ZNF516: variants seen among roughly 807,000 people sequenced by gnomAD.
ZNF516 encodes zinc finger protein 516.
Under a neutral mutation model 79.7 loss-of-function variants are expected in ZNF516, and 19 were observed. The ratio of observed to expected loss-of-function variants is 0.24; its 90% CI spans 0.17 to 0.35. The LOEUF is 0.35. ZNF516 is among the 10% of genes least tolerant of loss of function. ZNF516 has a pLI of 1.00. For missense variants in ZNF516, 1,678 were observed against 1,679.5 expected, an observed-to-expected ratio of 1.00 and a Z score of 0.02; for synonymous variants, 877 against 739.5, an observed-to-expected ratio of 1.19 and a Z score of -3.02.
chr18:76,424,102 G>C (rs1823107106), intron 3 of ZNF516, among the ~76,000 whole-genome samples: 1 of 103,398 alleles, frequency 9.7e-6, no homozygotes, highest in Admixed American at 1.0e-4. Flanking sequence ...CAGGTGAAAA[G>C]GCTCCCCCGA....
In ZNF516 at chr18:76,359,982, C is replaced by T. The variant is rs886527473; in HGVS notation, c.*2516G>A. The T allele has an allele frequency of 4.6e-5, 7 of 152,272 alleles. No homozygotes were observed. Among genetic ancestry groups the T allele is most frequent in the Admixed American group, 3.9e-4 (6 of 15,288 alleles). 9.4% of individuals were successfully genotyped at this position (152,272 alleles called of 1,614,324 possible). A position where few individuals can be genotyped will look rare whatever the true frequency, so the allele number is the denominator to read the frequency against. On this transcript the variant is annotated 3_prime_UTR_variant, in exon 7 of 7. Coordinates refer to ENST00000443185, the MANE Select transcript of ZNF516 (RefSeq NM_014643.4). Reference sequence around the variant, plus strand: ...ACATCCAGGCCTGCCCACAGCTGGCCTCAAGGGATGGCGTTCTTGGGGGGG... The same window carrying T: ...ACATCCAGGCCTGCCCACAGCTGGCTTCAAGGGATGGCGTTCTTGGGGGGG...
intron 1 of ZNF516, chr18:76,488,026 C>T (rs1914930915): frequency 1.0e-6 from 1 of 985,286 alleles, no homozygotes; most frequent in Admixed American, 6.1e-5. Flanking sequence ...ATAATCACTG[C>T]TGCACAAACA....
chr18:76,473,627 C>T (rs1568322393), intron 1 of ZNF516, among the ~76,000 whole-genome samples: 2 of 151,958 alleles, frequency 1.3e-5, no homozygotes, highest in South Asian at 2.1e-4. Context: ...CGGTGAAACC[C>T]TGTCTCTACT....
chr18:76,473,793 T>C (rs1914006023), intron 1 of ZNF516, among the ~76,000 whole-genome samples: 2 of 145,036 alleles, frequency 1.4e-5, no homozygotes, highest in Admixed American at 7.0e-5. Context: ...AGGGTGAGAC[T>C]CCATCTCCAA....
chr18:76,492,781 T>G, intron 1 of ZNF516: 1 of 985,702 alleles, frequency 1.0e-6, no homozygotes, highest in Non-Finnish European at 1.2e-6. Context: ...CTGAAAGTGC[T>G]TCTAAACCCC....
chr18:76,423,318 T>C (rs2145392650), intron 3 of ZNF516, among the ~76,000 whole-genome samples: 1 of 152,356 alleles, frequency 6.6e-6, no homozygotes. Context: ...GTGTTCTCGT[T>C]AATAAGTCCG....
intron 1 of ZNF516, among the ~76,000 whole-genome samples, chr18:76,477,708 G>A (rs1394916335): frequency 6.6e-6 from 1 of 152,046 alleles, no homozygotes; most frequent in African/African-American, 2.4e-5. Context: ...CCACTGTAAA[G>A]GGTTCCTTTT....
chr18:76,399,452 TTATA>T (rs754969079), intron 3 of ZNF516, among the ~76,000 whole-genome samples: 1 of 152,142 alleles, frequency 6.6e-6, no homozygotes, highest in Non-Finnish European at 1.5e-5. Context: ...ATGTGGGGGA[TTATA>T]TATATAGTCA....
Position 76,379,106 on chromosome 18 carries a change from G to C in ZNF516, c.3008C>G (p.Pro1003Arg). The change falls in exon 4 of 7, where the codon CCC (proline) becomes CGC (arginine). Residue 1003 changes from proline to arginine, a missense_variant. Pro to Arg is a moderately radical substitution (Grantham distance 103). Coordinates refer to ENST00000443185, the MANE Select transcript of ZNF516 (RefSeq NM_014643.4). The part of the protein sequence containing the change: ...GAPPLPPREP[P>R]SKAAQELRTL... ...CCTCAGCTCCTGGGCTGCCTTCGAG[G>C]GGGGCTCGCGGGGAGGTAGAGGAGG... The C allele has an allele frequency of 1.2e-6, 2 of 1,611,698 alleles. No homozygotes were observed. The highest frequency in any genetic ancestry group is 1.7e-6 in the Non-Finnish European group (2 of 1,179,668).
At chr18:76,375,089 T>C (rs1016136831) in intron 4 of ZNF516, among the ~76,000 whole-genome samples, 7 of 152,176 alleles carry the variant, frequency 4.6e-5, no homozygotes, top group South Asian at 2.1e-4. Context: ...TGCACAGATT[T>C]CCTGGGCTGC....
intron 2 of ZNF516, among the ~76,000 whole-genome samples, chr18:76,453,053 AT>A (rs1459786481): frequency 6.6e-6 from 1 of 152,172 alleles, no homozygotes; most frequent in Non-Finnish European, 1.5e-5. Flanking sequence ...GTCATTTACT[AT>A]TTACTATTTT....
intron 3 of ZNF516, among the ~76,000 whole-genome samples, chr18:76,425,651 T>TATGCTCATGCAGATGACCTA (rs1261769742): frequency 5.3e-5 from 8 of 152,132 alleles, no homozygotes; most frequent in Admixed American, 1.3e-4. Context: ...ATTCAGGAGG[T>TATGCTCATGCAGATGACCTA]ATGCTCATGC....
chr18:76,480,807 C>T (rs1222948015), intron 1 of ZNF516, among the ~76,000 whole-genome samples: 2 of 152,260 alleles, frequency 1.3e-5, no homozygotes, highest in Non-Finnish European at 1.5e-5. Context: ...CAGGTGTGGG[C>T]CACCGCACCC....
chr18:76,409,048 C>T (rs372956211), intron 3 of ZNF516, among the ~76,000 whole-genome samples: 1 of 152,304 alleles, frequency 6.6e-6, no homozygotes, highest in African/African-American at 2.4e-5. Context: ...TTTACACTTG[C>T]AGAGAAACAT....
intron 3 of ZNF516, among the ~76,000 whole-genome samples, chr18:76,406,837 C>G (rs1767197144): frequency 1.3e-5 from 2 of 152,346 alleles, no homozygotes; most frequent in Admixed American, 1.3e-4. Flanking sequence ...TCTTATCCTT[C>G]TCAGAGACAG....
intron 2 of ZNF516, among the ~76,000 whole-genome samples, chr18:76,445,783 C>T (rs1252983078): frequency 6.6e-6 from 1 of 152,222 alleles, no homozygotes; most frequent in Non-Finnish European, 1.5e-5. Context: ...CAGGAGGAGC[C>T]CAGGCCTGGT....
At chr18:76,409,883 G>A (rs2075352650) in intron 3 of ZNF516, among the ~76,000 whole-genome samples, 1 of 152,218 alleles carries the variant, frequency 6.6e-6, no homozygotes. Flanking sequence ...TAATCCCCAT[G>A]TGTCAAGGGT....
chr18:76,391,330 CAACT>C (rs1199537122), intron 3 of ZNF516, among the ~76,000 whole-genome samples: 3 of 152,078 alleles, frequency 2.0e-5, no homozygotes, highest in African/African-American at 7.2e-5. Flanking sequence ...CCTAACCTAA[CAACT>C]AACATGAACA....
In ZNF516 at chr18:76,380,054, G is replaced by C; in HGVS notation, c.2060C>G (p.Pro687Arg). ...GGAAGGGAACTCCACACCATCACCA[G>C]GGACGGGCACCTCCTGCTTGGGGTG... ...AFHPKQEVPVPGDGVEFPSST... is the reference protein window; with the variant it reads ...AFHPKQEVPVRGDGVEFPSST... Residue 687 changes from proline (P) to arginine (R), a missense_variant, in exon 4 of 7, where the codon CCT (proline) becomes CGT (arginine). Pro to Arg is a moderately radical substitution (Grantham distance 103). Coordinates refer to ENST00000443185, the MANE Select transcript of ZNF516 (RefSeq NM_014643.4). 1 of 1,613,984 alleles carries C rather than the reference G, an allele frequency of 6.2e-7. No homozygotes were observed. Among genetic ancestry groups the C allele is most frequent in the Non-Finnish European group, 8.5e-7 (1 of 1,179,898 alleles).
Sources: gnomAD v4.1 joint callset for allele counts (sites outside exome capture counted in the v4.1 genomes callset) on GRCh38, gnomAD v4.1.1 for gene constraint, MANE v1.5 for transcripts, NCBI Gene and HGNC (gene_info 2026-07-23, HGNC 2026-07-21) for gene names.